The following RHOU variants were observed in gnomAD, a reference collection of about 807,000 sequenced individuals.
RHOU encodes ras homolog family member U.
Under a neutral mutation model 12.6 loss-of-function variants are expected in RHOU, and 8 were observed. That is an observed-to-expected ratio of 0.64 (90% CI 0.37 to 1.15). RHOU has a LOEUF of 1.15. Among genes scored for constraint, RHOU ranks in the 50% most tolerant of loss-of-function variants. The pLI, the probability that RHOU is intolerant of heterozygous loss-of-function variation, is 0.01. For synonymous variants in RHOU, 161 were observed against 147.4 expected (o/e 1.09, Z -0.67); for missense variants, 258 against 347.0 (o/e 0.74, Z 2.04).
rs768776993 is a variant in RHOU at position 228,743,424 on chromosome 1, C to T, written c.461C>T (p.Ala154Val). 2 of 1,614,134 alleles carry T rather than the reference C, an allele frequency of 1.2e-6. No individual in the cohort carries two copies. Among genetic ancestry groups the T allele is most frequent in the East Asian group, 2.2e-5 (1 of 44,886 alleles). Reference protein sequence around the residue: ...VPEIRCHCPKAPIILVGTQSD... With the variant: ...VPEIRCHCPKVPIILVGTQSD... The stretch of plus-strand genomic sequence containing the variant: ...GAGATTCGATGCCACTGTCCCAAAG[C>T]CCCCATCATCCTAGTTGGAACGCAG... Residue 154 changes from alanine (A) to valine (V), a missense_variant, in exon 3 of 3, where the codon GCC (alanine) becomes GTC (valine). Physicochemically the swap from Ala to Val is moderately conservative, Grantham distance 64. Transcript: ENST00000366691. This position sits in a 1 kb window ranked among gnomAD's most constrained non-coding sequence, Gnocchi z 5.1.
chr1:228,742,476 C>T (rs1046293079), intron 2 of RHOU, among the ~76,000 whole-genome samples: 37 of 152,170 alleles, frequency 2.4e-4, no homozygotes, highest in African/African-American at 8.7e-4. Context: ...CGTGCCTATT[C>T]TCCAGTTCTT....
At chr1:228,732,937 C>G (rs1356613784), upstream of RHOU, among the ~76,000 whole-genome samples, 1 of 152,186 alleles carries the variant, frequency 6.6e-6, no homozygotes, top group Non-Finnish European at 1.5e-5. Flanking sequence ...ACACCATAAA[C>G]TTAAACAAAA....
the RHOU span, among the ~76,000 whole-genome samples, chr1:228,672,430 T>C: frequency 4.6e-5 from 7 of 152,218 alleles, no homozygotes; most frequent in Non-Finnish European, 8.8e-5. Context: ...CCCAAAGTGC[T>C]GGGATTACAG....
chr1:228,739,752 C>G (rs1300270231), intron 2 of RHOU, among the ~76,000 whole-genome samples: 1 of 152,230 alleles, frequency 6.6e-6, no homozygotes, highest in Admixed American at 6.5e-5. Flanking sequence ...ACTCAAATAT[C>G]ACTGTCCACT....
the RHOU span, among the ~76,000 whole-genome samples, chr1:228,712,832 TAAAATA>T: frequency 9.0e-5 from 4 of 44,498 alleles, no homozygotes; most frequent in African/African-American, 6.0e-4. Context: ...AATAAATAAA[TAAAATA>T]AAATAAAATA....
chr1:228,733,226 G>C (rs539705776), upstream of RHOU, among the ~76,000 whole-genome samples: 10 of 152,350 alleles, frequency 6.6e-5, no homozygotes, highest in African/African-American at 2.2e-4. Flanking sequence ...TTAGAGTACA[G>C]GTACATTTCT....
chr1:228,730,817 C>G (rs1487011626), upstream of RHOU, among the ~76,000 whole-genome samples: 1 of 152,146 alleles, frequency 6.6e-6, no homozygotes, highest in Non-Finnish European at 1.5e-5. Flanking sequence ...AAAAACCGTG[C>G]TGTTCTGATT....
the RHOU span, chr1:228,650,536 G>A: frequency 2.2e-6 from 1 of 456,842 alleles, no homozygotes. Context: ...GAAGCTGTGC[G>A]AGGAGAGTGC....
the RHOU span, among the ~76,000 whole-genome samples, chr1:228,672,193 G>A: frequency 6.6e-6 from 1 of 152,150 alleles, no homozygotes; most frequent in Non-Finnish European, 1.5e-5. Flanking sequence ...TTGAGATGGA[G>A]TTTTGCTCTT....
At chr1:228,731,358 C>A (rs1479378368), upstream of RHOU, among the ~76,000 whole-genome samples, 2 of 152,090 alleles carry the variant, frequency 1.3e-5, no homozygotes, top group South Asian at 4.1e-4. Context: ...ATAGGGCAAG[C>A]GTTAGTTCTG....
At position 228,735,702 on chromosome 1, in the gene RHOU, G is replaced by T; in HGVS notation, c.-41G>T. The stretch of plus-strand genomic sequence containing the variant: ...CGGGGCGGAGGGGCGGTCGGGCCGG[G>T]CCCTGCTAGCCCGCGACCGCAAGCC... On this transcript the variant is annotated 5_prime_UTR_variant, in exon 1 of 3. Coordinates refer to ENST00000366691, the MANE Select transcript of RHOU (RefSeq NM_021205.6). This position sits in a 1 kb window ranked among gnomAD's most constrained non-coding sequence, Gnocchi z 8.1. 8.4e-7 allele frequency: 1 copy of T among 1,192,962 alleles called. No individual in the cohort carries two copies. The highest frequency in any genetic ancestry group is 1.0e-6 in the Non-Finnish European group (1 of 962,968). 73.9% of individuals were successfully genotyped at this position (1,192,962 alleles called of 1,614,324 possible).
the RHOU span, among the ~76,000 whole-genome samples, chr1:228,725,661 A>G: frequency 6.6e-6 from 1 of 152,226 alleles, no homozygotes; most frequent in Non-Finnish European, 1.5e-5. Context: ...AATCCTAAGG[A>G]TGCTGCCATC....
At chr1:228,712,626 C>T in the RHOU span, among the ~76,000 whole-genome samples, 2 of 127,246 alleles carry the variant, frequency 1.6e-5, no homozygotes, top group Admixed American at 1.0e-4. Flanking sequence ...CACATGGACA[C>T]AGGAAGGGGA....
chr1:228,656,192 TG>T, the RHOU span, among the ~76,000 whole-genome samples: 293 of 152,306 alleles, frequency 1.9e-3, 2 homozygotes, highest in African/African-American at 6.7e-3. Flanking sequence ...TTGGCTCTGT[TG>T]CCTAGGCTGA....
At chr1:228,703,833 G>A in the RHOU span, among the ~76,000 whole-genome samples, 1 of 152,136 alleles carries the variant, frequency 6.6e-6, no homozygotes, top group Admixed American at 6.5e-5. Context: ...ATAAATCTTA[G>A]GACCCCAAAT....
rs1446611046 is a variant in RHOU, at chr1:228,737,063, C to G, written c.263-610C>G. On this transcript the variant is annotated intron_variant, in intron 1 of 2. Coordinates refer to ENST00000366691, the MANE Select transcript of RHOU (RefSeq NM_021205.6). The surrounding 1 kb of genome is among the most constrained non-coding windows in gnomAD (Gnocchi z 4.1). ...CTCCACAACATGTCCTGCTGCAGGC[C>G]TCTCCACACTCCCCGAGTCCCCGGA... Among the ~76,000 whole-genome samples, 2 of 152,142 alleles carry G rather than the reference C, an allele frequency of 1.3e-5. No individual in the cohort carries two copies. Among genetic ancestry groups the G allele is most frequent in the Non-Finnish European group, 1.5e-5 (1 of 68,024 alleles).
At chr1:228,664,280 G>A in the RHOU span, among the ~76,000 whole-genome samples, 1 of 151,548 alleles carries the variant, frequency 6.6e-6, no homozygotes, top group African/African-American at 2.4e-5. Flanking sequence ...CCAAAGTGTT[G>A]GGATTACAGG....
the RHOU span, among the ~76,000 whole-genome samples, chr1:228,682,940 C>G: frequency 6.6e-6 from 1 of 152,096 alleles, no homozygotes; most frequent in Non-Finnish European, 1.5e-5. Context: ...AGTGAAGTAG[C>G]CCCATGGTGC....
chr1:228,671,237 T>A, the RHOU span, among the ~76,000 whole-genome samples: 1 of 152,108 alleles, frequency 6.6e-6, no homozygotes, highest in Non-Finnish European at 1.5e-5. Context: ...ACTCCTGACC[T>A]CAGGTGATCC....
Sources: gnomAD v4.1 joint callset for allele counts (sites outside exome capture counted in the v4.1 genomes callset) on GRCh38, gnomAD v4.1.1 for gene constraint, Gnocchi (gnomAD v3.1) non-coding constraint, MANE v1.5 for transcripts, NCBI Gene and HGNC (gene_info 2026-07-23, HGNC 2026-07-21) for gene names.